The following KCNH4 variants were observed in gnomAD, a reference collection of about 807,000 sequenced individuals.
KCNH4 encodes the protein potassium voltage-gated channel subfamily H member 4, also known as voltage-gated delayed rectifier potassium channel KCNH4.
A neutral mutation model predicts 90.7 loss-of-function variants in KCNH4; 33 were observed. That is an observed-to-expected ratio of 0.36 (90% CI 0.28 to 0.49). The LOEUF (loss-of-function observed/expected upper bound fraction) is 0.49, where lower values mean the gene tolerates loss of function less well. Ranked by LOEUF, KCNH4 falls within the 20% of genes least tolerant of loss-of-function variation. The pLI is 0.98. For synonymous variants in KCNH4, 551 were observed against 581.7 expected (o/e 0.95, Z 0.76); for missense variants, 1,044 against 1,387.1 (o/e 0.75, Z 3.93).
At chr17:42,164,032 C>G in intron 12 of KCNH4, 74 bp from the exon 13 acceptor site, 2 of 1,505,808 alleles carry the variant, frequency 1.3e-6, no homozygotes, top group Non-Finnish European at 1.8e-6. Context: ...GAGCCTTCGC[C>G]GGCGGATGCA....
chr17:42,166,397 G>C lies in KCNH4; in HGVS notation c.1740C>G (p.Gly580=). The change falls in exon 10 of 17, where the codon GGC becomes GGG. Residue 580 remains glycine, a synonymous_variant. Coordinates refer to ENST00000264661, the MANE Select transcript of KCNH4 (RefSeq NM_012285.3). ...CATCCCCACGGCGCAACAGGTACTC[G>C]CCCGGAGCGCAGAACGAGGTCTTGA... The part of the protein sequence containing the change: ...LHIKTSFCAP[G]EYLLRRGDAL... 1 of 1,613,952 alleles carries C rather than the reference G, an allele frequency of 6.2e-7. No homozygotes were observed. Among genetic ancestry groups the C allele is most frequent in the Non-Finnish European group, 8.5e-7 (1 of 1,179,908 alleles).
In KCNH4 at chr17:42,165,469, G is replaced by A. The variant is rs200351279; in HGVS notation, c.2065C>T (p.Arg689Cys). The change falls in exon 11 of 17, where the codon CGC becomes TGC. Residue 689 changes from arginine to cysteine, a missense_variant. Transcript: ENST00000264661. The stretch of plus-strand genomic sequence containing the variant: ...CATACACTGGTGTCAGAGCCCTGGC[G>A]CAGGTTGAAGGTGAGGTCCCGGGGC... ...GLPRDLTFNL[R>C]QGSDTSGLSR... The A allele has an allele frequency of 1.1e-5, 18 of 1,614,146 alleles. No homozygotes were observed. Among genetic ancestry groups the A allele is most frequent in the South Asian group, 3.3e-5 (3 of 91,084 alleles).
chr17:42,160,920 C>CTTTTTTTTTTTTTTT (rs57677761), intron 15 of KCNH4, among the ~76,000 whole-genome samples: 3 of 73,416 alleles, frequency 4.1e-5, no homozygotes, highest in Admixed American at 1.8e-4. Context: ...TTTTCTTTTT[C>CTTTTTTTTTTTTTTT]TTTTTTTTTT....
intron 7 of KCNH4, among the ~76,000 whole-genome samples, chr17:42,170,859 T>C (rs934753171): frequency 1.3e-5 from 2 of 151,814 alleles, no homozygotes; most frequent in Non-Finnish European, 2.9e-5. Flanking sequence ...TCCATCTAGG[T>C]GGAGAGGGAA....
intron 4 of KCNH4, among the ~76,000 whole-genome samples, chr17:42,177,142 C>T (rs148806855): frequency 0.015 from 2,270 of 152,184 alleles, 25 homozygotes; most frequent in Non-Finnish European, 0.023. Context: ...CTCCACCTCC[C>T]GGGTTCAAGT....
intron 5 of KCNH4, 89 bp downstream of exon 5, chr17:42,175,965 G>A: frequency 1.4e-6 from 2 of 1,430,918 alleles, no homozygotes; most frequent in South Asian, 2.7e-5. Flanking sequence ...CTGAATGTCT[G>A]GGTCATGTGG....
At chr17:42,161,996 G>A (rs1004945582) in intron 15 of KCNH4, among the ~76,000 whole-genome samples, 7 of 139,662 alleles carry the variant, frequency 5.0e-5, no homozygotes, top group African/African-American at 1.4e-4. Flanking sequence ...TTGCCCTGTC[G>A]CCCAGGCTGG....
chr17:42,172,109 G>T (rs1327559179), intron 6 of KCNH4, 114 bp from the exon 7 acceptor site: 1 of 798,308 alleles, frequency 1.3e-6, no homozygotes, highest in Non-Finnish European at 2.1e-6. Context: ...GCTGCAACAG[G>T]AAAGACATCT....
chr17:42,171,212 C>T (rs953637273), intron 7 of KCNH4, among the ~76,000 whole-genome samples: 10 of 151,850 alleles, frequency 6.6e-5, no homozygotes, highest in African/African-American at 1.9e-4. Context: ...TTGCACAGGC[C>T]TGGGTGAGAA....
chr17:42,176,164 A>G lies in KCNH4; in HGVS notation c.719T>C (p.Val240Ala). 1 of 1,613,952 alleles carries G rather than the reference A, an allele frequency of 6.2e-7. No homozygotes were observed. The highest frequency in any genetic ancestry group is 8.5e-7 in the Non-Finnish European group (1 of 1,179,946). ...DGLILLATFY[V>A]AVTVPYNVCF... ...GACATTGTAGGGGACGGTGACCGCA[A>G]CGTAGAAGGTGGCAAGGAGGATAAG... The change falls in exon 5 of 17, where the codon GTT (valine) becomes GCT (alanine). Residue 240 changes from valine to alanine, a missense_variant. Coordinates refer to ENST00000264661, the MANE Select transcript of KCNH4 (RefSeq NM_012285.3).
Position 42,166,427 on chromosome 17 carries a change from C to T in KCNH4, c.1710G>A (p.Leu570=), listed in dbSNP as rs369302183. The stretch of plus-strand genomic sequence containing the variant: ...GAGCGCAGAACGAGGTCTTGATGTG[C>T]AGCGATAGGGCCCGCAGGCAGCCCC... The part of the protein sequence containing the change: ...ASRGCLRALS[L]HIKTSFCAPG... The change falls in exon 10 of 17, where the codon CTG becomes CTA. Residue 570 remains leucine, a synonymous_variant. Coordinates refer to ENST00000264661, the MANE Select transcript of KCNH4 (RefSeq NM_012285.3). The T allele has an allele frequency of 1.9e-6, 3 of 1,614,002 alleles. No homozygotes were observed. Among genetic ancestry groups the T allele is most frequent in the Non-Finnish European group, 2.5e-6 (3 of 1,179,986 alleles).
chr17:42,163,216 G>A lies in KCNH4; in HGVS notation c.2584+12C>T. On this transcript the variant is annotated intron_variant, in intron 14 of 16. Coordinates refer to ENST00000264661, the MANE Select transcript of KCNH4 (RefSeq NM_012285.3). The surrounding 1 kb of genome is among the most constrained non-coding windows in gnomAD (Gnocchi z 5.4). ...ATGGATGACGGGGTTGAAGTCCACT[G>A]TTGGCCCTTACCTGTAGGGGGCGCC... 1 of 1,582,570 alleles carries A rather than the reference G, an allele frequency of 6.3e-7. No individual in the cohort carries two copies. The highest frequency in any genetic ancestry group is 8.7e-7 in the Non-Finnish European group (1 of 1,151,340).
intron 6 of KCNH4, among the ~76,000 whole-genome samples, chr17:42,173,771 G>T (rs982437833): frequency 5.1e-5 from 7 of 138,464 alleles, no homozygotes; most frequent in African/African-American, 1.9e-4. Flanking sequence ...CGCAATCTCG[G>T]CTCACTGAAA....
At position 42,180,559 on chromosome 17, in the gene KCNH4, C is replaced by G. The variant is rs938043763; in HGVS notation, c.76+311G>C. Among the ~76,000 whole-genome samples, 1 of 152,060 alleles carries G rather than the reference C, an allele frequency of 6.6e-6. No individual in the cohort carries two copies. Among genetic ancestry groups the G allele is most frequent in the Admixed American group, 6.5e-5 (1 of 15,280 alleles). On this transcript the variant is annotated intron_variant, in intron 1 of 16. Coordinates refer to ENST00000264661, the MANE Select transcript of KCNH4 (RefSeq NM_012285.3). This position sits in a 1 kb window ranked among gnomAD's most constrained non-coding sequence, Gnocchi z 4.7. ...TCTGTGTCTCGGATACCCCCATACACGCCCCCAGCACAGCTCTGCCCGAGA... is the reference window on the plus strand; with the variant it reads ...TCTGTGTCTCGGATACCCCCATACAGGCCCCCAGCACAGCTCTGCCCGAGA...
In KCNH4 at chr17:42,178,905, G is replaced by A. The variant is rs762949683; in HGVS notation, c.198C>T (p.Ser66=). Residue 66 remains serine (S), a synonymous_variant, in exon 2 of 17, where the codon AGC becomes AGT. Transcript: ENST00000264661. ...TCTCTGGGCCGTAGAGGAAACGGCA[G>A]CTGCAGGTCTTCTGCATGACCTCGG... The part of the protein sequence containing the change: ...GRTEVMQKTC[S]CRFLYGPETS... The A allele has an allele frequency of 1.2e-6, 2 of 1,614,218 alleles. No homozygotes were observed. The highest frequency in any genetic ancestry group is 3.3e-5 in the Admixed American group (2 of 60,030).
intron 8 of KCNH4, 76 bp from the exon 9 acceptor site, chr17:42,169,752 C>T (rs1330531063): frequency 6.7e-7 from 1 of 1,489,540 alleles, no homozygotes; most frequent in Non-Finnish European, 9.2e-7. Context: ...CCCACCCTGT[C>T]CTGGACCAAG....
rs2079714659 is a variant in KCNH4, at chr17:42,157,023, C to T, written c.*405G>A. 1 of 152,436 alleles carries T rather than the reference C, an allele frequency of 6.6e-6. No homozygotes were observed. The highest frequency in any genetic ancestry group is 2.4e-5 in the African/African-American group (1 of 41,426). The allele number at this position is 152,436 out of a possible 1,614,324, so 9.4% of individuals were successfully genotyped here. On this transcript the variant is annotated 3_prime_UTR_variant, in exon 17 of 17. Coordinates refer to ENST00000264661, the MANE Select transcript of KCNH4 (RefSeq NM_012285.3). ...GAGACCATGTTGTAATGGGGGAGAA[C>T]AGGCTTGGCAGCGGTCTGGGGTCAG...
chr17:42,163,251 G>A lies in KCNH4; in HGVS notation c.2561C>T (p.Pro854Leu), dbSNP rs2144121415. The change falls in exon 14 of 17, where the codon CCC (proline) becomes CTC (leucine). Residue 854 changes from proline (P) to leucine (L), a missense_variant. By Grantham distance (98) the Pro-to-Leu change is moderately conservative. Coordinates refer to ENST00000264661, the MANE Select transcript of KCNH4 (RefSeq NM_012285.3). This position sits in a 1 kb window ranked among gnomAD's most constrained non-coding sequence, Gnocchi z 5.4. ...ACCTGTAGGGGGCGCCTGGGAGCGG[G>A]GCCTTGGCAGTTCAGGCCTCCTGCT... ...RFSRRPELPR[P>L]RSQAPPTGTR... is the part of the protein sequence containing the mutation. 1 of 1,613,910 alleles carries A rather than the reference G, an allele frequency of 6.2e-7. No individual in the cohort carries two copies. Among genetic ancestry groups the A allele is most frequent in the Non-Finnish European group, 8.5e-7 (1 of 1,179,834 alleles).
chr17:42,169,488 C>G lies in KCNH4; in HGVS notation c.1579G>C (p.Asp527His). The G allele has an allele frequency of 1.2e-6, 2 of 1,612,844 alleles. No individual in the cohort carries two copies. The highest frequency in any genetic ancestry group is 1.7e-6 in the Non-Finnish European group (2 of 1,179,978). The stretch of plus-strand genomic sequence containing the variant: ...ACCCTGCAGGCTACCTCGTTGGCGT[C>G]GATGCCGCTGTTGACGGCCCACGTG... ...QTTWAVNSGI[D>H]ANELLRDFPD... Residue 527 changes from aspartate (D) to histidine (H), a missense_variant, in exon 9 of 17, where the codon GAC becomes CAC. Coordinates refer to ENST00000264661, the MANE Select transcript of KCNH4 (RefSeq NM_012285.3).
Sources: allele counts gnomAD v4.1 joint callset (sites outside exome capture counted in the v4.1 genomes callset), GRCh38; gene constraint gnomAD v4.1.1; non-coding constraint Gnocchi (gnomAD v3.1); transcripts MANE v1.5; gene names NCBI Gene and HGNC (gene_info 2026-07-23, HGNC 2026-07-21).